Variants in KDM5C observed in about 807,000 individuals in gnomAD.
The protein encoded by KDM5C is lysine demethylase 5C, also known as lysine-specific demethylase 5C.
In KDM5C, 16 loss-of-function variants were observed where a neutral mutation model predicts 110.6. The ratio of observed to expected loss-of-function variants is 0.14; its 90% CI spans 0.10 to 0.22. The LOEUF is 0.22. KDM5C is among the 10% of genes least tolerant of loss of function. The pLI, the probability that KDM5C is intolerant of heterozygous loss-of-function variation, is 1.00. For synonymous variants in KDM5C, 511 were observed against 520.4 expected (o/e 0.98, Z 0.24); for missense variants, 681 against 1,300.9 (o/e 0.52, Z 7.33).
rs1934907880 is a variant in KDM5C at position 53,196,969 on chromosome X, G to A, written c.2698C>T (p.Leu900=). 2.5e-6 allele frequency: 3 copies of A among 1,192,942 alleles called. No homozygotes were observed. Among genetic ancestry groups the A allele is most frequent in the Non-Finnish European group, 2.3e-6 (2 of 886,329 alleles). ...ALASLPSSPG[L]LQSLLERGRQ... is the part of the protein sequence containing the mutation. ...CCCCTCTCCAACAGGGACTGCAGTA[G>A]CCCTGGACTGGAGGGCAGTGAGGCC... is the stretch of plus-strand genomic sequence containing the variant. Residue 900 remains leucine (L), a synonymous_variant, in exon 19 of 26, where the codon CTA becomes TTA. Coordinates refer to ENST00000375401, the MANE Select transcript of KDM5C (RefSeq NM_004187.5).
intron 25 of KDM5C, among the ~76,000 whole-genome samples, chrX:53,177,952 G>A (rs782782199): frequency 4.3e-4 from 48 of 111,160 alleles, no homozygotes; most frequent in Non-Finnish European, 3.4e-4. Flanking sequence ...TCCACCTCCC[G>A]GGCTCAAGCA....
chrX:53,192,974 T>C lies in KDM5C; in HGVS notation c.4676A>G (p.Gln1559Arg), dbSNP rs1556831955. ...TGCTAGGCTCAGCCACTGTCACAACTGTTGCTGAGGCGGCTGCTGTGGGCA... is the reference window on the plus strand; with the variant it reads ...TGCTAGGCTCAGCCACTGTCACAACCGTTGCTGAGGCGGCTGCTGTGGGCA... ...LPCPQQPPQQ[Q>R]L The change falls in exon 26 of 26, where the codon CAG becomes CGG. Residue 1559 changes from glutamine to arginine, a missense_variant. By Grantham distance (43) the Gln-to-Arg change is conservative. Transcript: ENST00000375401. The C allele has an allele frequency of 8.7e-7, 1 of 1,152,608 alleles. No homozygotes were observed. The highest frequency in any genetic ancestry group is 1.2e-6 in the Non-Finnish European group (1 of 865,105). The allele number at this position is 1,152,608 out of a possible 1,213,427, so 95.0% of individuals were successfully genotyped here.
In KDM5C at chrX:53,211,832, C is replaced by G; in HGVS notation, c.1197G>C (p.Glu399Asp). 2 of 1,210,610 alleles carry G rather than the reference C, an allele frequency of 1.7e-6. No homozygotes were observed. Among genetic ancestry groups the G allele is most frequent in the Non-Finnish European group, 2.2e-6 (2 of 894,620 alleles). ...TREYTLQSFG[E>D]MADSFKADYF... ...AGTCAGCTTTAAAGGAGTCGGCCAT[C>G]TCGCCAAAGCTCTGCAGAGTGTATT... The change falls in exon 9 of 26, where the codon GAG becomes GAC. Residue 399 changes from glutamate (E) to aspartate (D), a missense_variant. Physicochemically the swap from Glu to Asp is conservative, Grantham distance 45 (BLOSUM62 2). This residue lies in a region of KDM5C where 41 missense variants were observed against 205.9 expected (regional missense o/e 0.20). Transcript: ENST00000375401.
chrX:53,186,141 G>C (rs1283368447), intron 25 of KDM5C, among the ~76,000 whole-genome samples: 1 of 111,613 alleles, frequency 9.0e-6, no homozygotes, highest in Non-Finnish European at 1.9e-5. Flanking sequence ...GTTTTGATCT[G>C]AGTCTTTCTT....
At chrX:53,194,895 C>T in intron 22 of KDM5C, 36 bp downstream of exon 22, 2 of 1,209,264 alleles carry the variant, frequency 1.7e-6, no homozygotes, top group Non-Finnish European at 2.2e-6. Context: ...CTATCATCAC[C>T]AAGCCCTTCT....
intron 4 of KDM5C, 64 bp downstream of exon 4, chrX:53,217,732 G>C: frequency 1.8e-6 from 2 of 1,139,540 alleles, no homozygotes; most frequent in Non-Finnish European, 1.2e-6. Flanking sequence ...GTTTCATTAA[G>C]AGCAAGTGTG....
At chrX:53,191,851 A>G (rs1556830788), downstream of KDM5C, 1 of 174,895 alleles carries the variant, frequency 5.7e-6, no homozygotes, top group East Asian at 8.0e-5. Context: ...CCATTAACAA[A>G]AAAATCCCTT....
chrX:53,221,337 T>C, intron 1 of KDM5C, among the ~76,000 whole-genome samples: 1 of 111,468 alleles, frequency 9.0e-6, no homozygotes, highest in Non-Finnish European at 1.9e-5. Flanking sequence ...TCAGAAGATA[T>C]GGGTTCATGT....
chrX:53,210,892 G>A (rs782512240), intron 10 of KDM5C, 35 bp from the exon 11 acceptor site: 5 of 1,146,941 alleles, frequency 4.4e-6, no homozygotes, highest in Non-Finnish European at 6.0e-6. Context: ...AGGGCATGAG[G>A]GTTATGCTAA....
At chrX:53,191,232 G>A (rs1228408002), downstream of KDM5C, 2 of 167,503 alleles carry the variant, frequency 1.2e-5, no homozygotes, top group Non-Finnish European at 2.3e-5. Flanking sequence ...AAGACTTTGG[G>A]ACTCAGAAGA....
At chrX:53,212,223 G>A in intron 8 of KDM5C, among the ~76,000 whole-genome samples, 1 of 110,660 alleles carries the variant, frequency 9.0e-6, no homozygotes, top group East Asian at 2.8e-4. Flanking sequence ...CTTCCTTTAG[G>A]ACTTTATCTA....
intron 25 of KDM5C, among the ~76,000 whole-genome samples, chrX:53,182,310 C>CG (rs1244380764): frequency 9.1e-6 from 1 of 109,879 alleles, no homozygotes; most frequent in Non-Finnish European, 1.9e-5. Context: ...CTCGAACTCC[C>CG]GACCTCAGGT....
chrX:53,211,411 T>C (rs1322864938), intron 10 of KDM5C, 86 bp downstream of exon 10: 3 of 969,691 alleles, frequency 3.1e-6, no homozygotes, highest in Non-Finnish European at 4.4e-6. Flanking sequence ...ATTATCCTCA[T>C]CTTACAGAGA....
At chrX:53,219,939 C>T (rs781861302) in intron 2 of KDM5C, among the ~76,000 whole-genome samples, 2 of 112,152 alleles carry the variant, frequency 1.8e-5, no homozygotes, top group Admixed American at 1.9e-4. Context: ...TGCTATGTTG[C>T]CCAAACTGGT....
chrX:53,192,561 G>A lies in KDM5C; in HGVS notation c.*406C>T. ...AGGAAAAGAGGGGAGGAGAGTGGGG[G>A]CAGGGGTTAGTGTAGCATGGCCTGG... is the stretch of plus-strand genomic sequence containing the variant. On this transcript the variant is annotated 3_prime_UTR_variant, in exon 26 of 26. Coordinates refer to ENST00000375401, the MANE Select transcript of KDM5C (RefSeq NM_004187.5). 1 of 396,732 alleles carries A rather than the reference G, an allele frequency of 2.5e-6. No homozygotes were observed. The highest frequency in any genetic ancestry group is 5.9e-5 in the South Asian group (1 of 16,874). 32.7% of individuals were successfully genotyped at this position (396,732 alleles called of 1,213,427 possible). A position where few individuals can be genotyped will look rare whatever the true frequency, so the allele number is the denominator to read the frequency against.
At chrX:53,201,785 G>GCCATGATGCCC in intron 13 of KDM5C, 41 bp from the exon 14 acceptor site, 1 of 1,209,787 alleles carries the variant, frequency 8.3e-7, no homozygotes, top group Non-Finnish European at 1.1e-6. Flanking sequence ...AAGTCTGGAG[G>GCCATGATGCCC]CCATGATGCC....
At chrX:53,187,222 C>A (rs937160980), downstream of KDM5C, among the ~76,000 whole-genome samples, 1 of 110,632 alleles carries the variant, frequency 9.0e-6, no homozygotes, top group Non-Finnish European at 1.9e-5. Context: ...CCCAAGCCCC[C>A]CTGTGGAACT....
At chrX:53,191,110 T>C (rs1361285734), downstream of KDM5C, among the ~76,000 whole-genome samples, 3 of 111,844 alleles carry the variant, frequency 2.7e-5, no homozygotes. Flanking sequence ...TTTATGAATC[T>C]GATACAAGCT....
At position 53,197,896 on chromosome X, in the gene KDM5C, A is replaced by G; in HGVS notation, c.2517-20T>C. ...TGGGGGCTATGAAGTATCACATGTG[A>G]GGTTTCAGGTCCAAACTCAGTGCCT... On this transcript the variant is annotated intron_variant, in intron 17 of 25. Coordinates refer to ENST00000375401, the MANE Select transcript of KDM5C (RefSeq NM_004187.5). 9.0e-7 allele frequency: 1 copy of G among 1,109,517 alleles called. No homozygotes were observed. The allele number at this position is 1,109,517 out of a possible 1,213,427, so 91.4% of individuals were successfully genotyped here.
Sources: allele counts gnomAD v4.1 joint callset (sites outside exome capture counted in the v4.1 genomes callset), GRCh38; gene constraint gnomAD v4.1.1; regional missense constraint gnomAD v4.1.1; transcripts MANE v1.5; gene names NCBI Gene and HGNC (gene_info 2026-07-23, HGNC 2026-07-21).